CNOT11: variants seen among roughly 807,000 people sequenced by gnomAD.
CNOT11 encodes UPF0760 protein C2orf29.
In CNOT11, 18 loss-of-function variants were observed where a neutral mutation model predicts 44.6. The ratio of observed to expected loss-of-function variants is 0.40; its 90% CI spans 0.28 to 0.60. CNOT11 has a LOEUF of 0.60. Ranked by LOEUF, CNOT11 falls within the 20% of genes least tolerant of loss-of-function variation. The pLI is 0.38. For synonymous variants in CNOT11, 291 were observed against 270.9 expected, an observed-to-expected ratio of 1.07 and a Z score of -0.73; for missense variants, 513 against 677.0, an observed-to-expected ratio of 0.76 and a Z score of 2.69.
At chr2:101,265,817 C>T (rs532305384) in intron 4 of CNOT11, among the ~76,000 whole-genome samples, 1 of 152,058 alleles carries the variant, frequency 6.6e-6, no homozygotes, top group Non-Finnish European at 1.5e-5. Flanking sequence ...CCCCACTGCC[C>T]GAGTGTGAGA....
intron 1 of CNOT11, among the ~76,000 whole-genome samples, chr2:101,255,186 T>C (rs1049970060): frequency 1.3e-5 from 2 of 152,160 alleles, no homozygotes; most frequent in Non-Finnish European, 2.9e-5. Context: ...GGTAGAGTTG[T>C]TACAAAGAAT....
intron 5 of CNOT11, among the ~76,000 whole-genome samples, chr2:101,267,446 CA>C (rs1484843107): frequency 6.6e-6 from 1 of 152,116 alleles, no homozygotes; most frequent in Non-Finnish European, 1.5e-5. Flanking sequence ...TTTCCCTATA[CA>C]TAGTCCTGTC....
intron 3 of CNOT11, 133 bp downstream of exon 3, chr2:101,262,824 T>A: frequency 1.4e-6 from 1 of 696,444 alleles, no homozygotes; most frequent in East Asian, 2.7e-5. Context: ...ATCTTTCTAG[T>A]GTAGTGAGTG....
At position 101,265,061 on chromosome 2, in the gene CNOT11, G is replaced by A. The variant is rs752362838; in HGVS notation, c.1035+14G>A. 5 of 1,473,852 alleles carry A rather than the reference G, an allele frequency of 3.4e-6. No homozygotes were observed. The highest frequency in any genetic ancestry group is 3.6e-6 in the Non-Finnish European group (4 of 1,099,200). 91.3% of individuals were successfully genotyped at this position (1,473,852 alleles called of 1,614,324 possible). ...CAACAAACACAGGTGTGTATTGATT[G>A]TAAGCATTTTCTTATCTTTTTTTTT... On this transcript the variant is annotated intron_variant, in intron 4 of 6. Coordinates refer to ENST00000289382, the MANE Select transcript of CNOT11 (RefSeq NM_017546.5).
Position 101,264,930 on chromosome 2 carries a change from T to A in CNOT11, c.918T>A (p.Pro306=). 1 of 1,614,150 alleles carries A rather than the reference T, an allele frequency of 6.2e-7. No individual in the cohort carries two copies. Among genetic ancestry groups the A allele is most frequent in the South Asian group, 1.1e-5 (1 of 91,086 alleles). The change falls in exon 4 of 7, where the codon CCT becomes CCA. Residue 306 remains proline (P), a synonymous_variant. Transcript: ENST00000289382. The stretch of plus-strand genomic sequence containing the variant: ...TTGCTTGGCTAAACCCCACGGAGCC[T>A]GACCACGCGATCCAGTGGGATAAAT... ...DELAWLNPTE[P]DHAIQWDKSM...
intron 4 of CNOT11, among the ~76,000 whole-genome samples, chr2:101,265,913 T>A (rs1681971854): frequency 6.6e-6 from 1 of 152,186 alleles, no homozygotes; most frequent in African/African-American, 2.4e-5. Context: ...GAGTTAGAAC[T>A]TTTTAGGAGA....
rs961740107 is a variant in CNOT11, at chr2:101,255,499, A to C, written c.514+2021A>C. 9.2e-5 allele frequency among the ~76,000 whole-genome samples: 14 copies of C among 152,314 alleles called. No homozygotes were observed. In the East Asian group the frequency reaches 1.7e-3, roughly 19 times the overall value. ...TAAAGAGCGGGACTCCGTCTCAAAAAAAAAAAAAGTACCTGTGAGTGTTAC... is the reference window on the plus strand; with the variant it reads ...TAAAGAGCGGGACTCCGTCTCAAAACAAAAAAAAGTACCTGTGAGTGTTAC... On this transcript the variant is annotated intron_variant, in intron 1 of 6. Transcript: ENST00000289382.
At chr2:101,259,835 T>C (rs549238307) in intron 2 of CNOT11, among the ~76,000 whole-genome samples, 123 of 152,168 alleles carry the variant, frequency 8.1e-4, no homozygotes, top group African/African-American at 2.7e-3. Flanking sequence ...CCCAGGAGTT[T>C]AAAACCAGCC....
intron 1 of CNOT11, among the ~76,000 whole-genome samples, chr2:101,254,422 G>T (rs375009229): frequency 1.3e-5 from 2 of 152,078 alleles, no homozygotes; most frequent in African/African-American, 4.8e-5. Context: ...TGTTCCTGCC[G>T]GGCATCCCAT....
chr2:101,266,604 A>G (rs1681990124), intron 4 of CNOT11, 73 bp from the exon 5 acceptor site: 3 of 1,135,130 alleles, frequency 2.6e-6, no homozygotes, highest in African/African-American at 3.1e-5. Flanking sequence ...TATTTCATAT[A>G]CATGGGAAAA....
At chr2:101,268,204 CCT>C (rs2308210) in intron 5 of CNOT11, among the ~76,000 whole-genome samples, 60,917 of 151,892 alleles carry the variant, frequency 0.4, 12,585 homozygotes, top group South Asian at 0.5. Flanking sequence ...ACATCTCCCC[CCT>C]CTTTGTTCCA....
In CNOT11 at chr2:101,257,770, GTTATACATTTTTGTTTGCAGGAT is replaced by G. The variant is rs772323489; in HGVS notation, c.515-18_519del. On this transcript the variant is annotated splice_acceptor_variant and splice_polypyrimidine_tract_variant and coding_sequence_variant and intron_variant, in exon 2 of 7. Coordinates refer to ENST00000289382, the MANE Select transcript of CNOT11 (RefSeq NM_017546.5). LOFTEE classifies it high-confidence loss of function. ...TTTAAAAGTAACCATTGGAGAAATC[GTTATACATTTTTGTTTGCAGGAT>G]TTTTACCTCCTATAACTCCACCAGA... 1 of 1,595,760 alleles carries G rather than the reference GTTATACATTTTTGTTTGCAGGAT, an allele frequency of 6.3e-7. No homozygotes were observed. The highest frequency in any genetic ancestry group is 8.6e-7 in the Non-Finnish European group (1 of 1,168,134).
chr2:101,253,593 C>A lies in CNOT11; in HGVS notation c.514+115C>A. On this transcript the variant is annotated intron_variant, in intron 1 of 6. Transcript: ENST00000289382. This position sits in a 1 kb window ranked among gnomAD's most constrained non-coding sequence, Gnocchi z 4.3. ...TTAACTATCCCTGTGAAATGATCAT[C>A]CTCTTTTTCCGCCTCTCTCTGCGTT... 9.9e-7 allele frequency: 1 copy of A among 1,005,668 alleles called. No homozygotes were observed. The highest frequency in any genetic ancestry group is 1.4e-6 in the Non-Finnish European group (1 of 729,624). The allele number at this position is 1,005,668 out of a possible 1,614,324, so 62.3% of individuals were successfully genotyped here.
In CNOT11 at chr2:101,253,742, G is replaced by C. The variant is rs1681679646; in HGVS notation, c.514+264G>C. Among the ~76,000 whole-genome samples the C allele has an allele frequency of 6.6e-6, 1 of 152,188 alleles. No homozygotes were observed. Among genetic ancestry groups the C allele is most frequent in the Admixed American group, 6.5e-5 (1 of 15,274 alleles). On this transcript the variant is annotated intron_variant, in intron 1 of 6. Coordinates refer to ENST00000289382, the MANE Select transcript of CNOT11 (RefSeq NM_017546.5). This position sits in a 1 kb window ranked among gnomAD's most constrained non-coding sequence, Gnocchi z 4.3. ...CCATCACATCATACAGCTCAGTGTA[G>C]GTCTTGACATGTTTAGTGTCTCAAA... is the stretch of plus-strand genomic sequence containing the variant.
chr2:101,255,105 TG>T (rs1300447493), intron 1 of CNOT11, among the ~76,000 whole-genome samples: 7 of 152,202 alleles, frequency 4.6e-5, no homozygotes, highest in African/African-American at 1.7e-4. Context: ...AATCCATGGA[TG>T]GATTATATTT....
intron 4 of CNOT11, among the ~76,000 whole-genome samples, chr2:101,266,173 C>G (rs752357135): frequency 1.8e-4 from 28 of 152,198 alleles, no homozygotes; most frequent in Non-Finnish European, 3.2e-4. Flanking sequence ...GTTCTGCAGA[C>G]TGATGACTCG....
chr2:101,264,853 C>T lies in CNOT11; in HGVS notation c.841C>T (p.Arg281Ter). The change falls in exon 4 of 7, where the codon CGA becomes TGA. Residue 281 changes from arginine (R) to a stop codon, truncating the protein, a stop_gained. Coordinates refer to ENST00000289382, the MANE Select transcript of CNOT11 (RefSeq NM_017546.5). LOFTEE classifies it high-confidence loss of function. ...CACGGCTCTCATTACAGGCCATTTTCGACCAGAGTTTATTCGTCCACCGCC... is the reference window on the plus strand; with the variant it reads ...CACGGCTCTCATTACAGGCCATTTTTGACCAGAGTTTATTCGTCCACCGCC... ...GPKPPIESHF[R>*]PEFIRPPPPL... The T allele has an allele frequency of 6.2e-7, 1 of 1,613,904 alleles. No homozygotes were observed. The highest frequency in any genetic ancestry group is 1.3e-5 in the African/African-American group (1 of 75,016).
Position 101,253,012 on chromosome 2 carries a change from CGCGGAGCAAAGAGGGTCCCGGGAA to C in CNOT11, c.53_76del (p.Glu18_Ala25del), listed in dbSNP as rs1255198979. 18 of 1,502,404 alleles carry C rather than the reference CGCGGAGCAAAGAGGGTCCCGGGAA, an allele frequency of 1.2e-5. No individual in the cohort carries two copies. Among genetic ancestry groups the C allele is most frequent in the Non-Finnish European group, 1.6e-5 (18 of 1,132,610 alleles). 93.1% of individuals were successfully genotyped at this position (1,502,404 alleles called of 1,614,324 possible). On this transcript the variant is annotated inframe_deletion, in exon 1 of 7. Coordinates refer to ENST00000289382, the MANE Select transcript of CNOT11 (RefSeq NM_017546.5). The surrounding 1 kb of genome is among the most constrained non-coding windows in gnomAD (Gnocchi z 4.3). ...CGGCGTCTGGCCGGCTTCTCACCGC[CGCGGAGCAAAGAGGGTCCCGGGAA>C]GCGGCAGGGTCGGCGTCCAGGAGCG...
intron 2 of CNOT11, among the ~76,000 whole-genome samples, chr2:101,260,827 T>C (rs2310053): frequency 0.024 from 1,410 of 59,534 alleles, 22 homozygotes; most frequent in South Asian, 0.083. Flanking sequence ...CAATTTATCT[T>C]TTTTTTTTTT....
Sources: gnomAD v4.1 joint callset for allele counts (sites outside exome capture counted in the v4.1 genomes callset) on GRCh38, gnomAD v4.1.1 for gene constraint, Gnocchi (gnomAD v3.1) non-coding constraint, MANE v1.5 for transcripts, NCBI Gene and HGNC (gene_info 2026-07-23, HGNC 2026-07-21) for gene names.